ANKRD30BL: variants seen among roughly 807,000 people sequenced by gnomAD.
The protein encoded by ANKRD30BL is ankyrin repeat domain 30B like, also known as putative ankyrin repeat domain-containing protein 30B-like.
ANKRD30BL carries 20 observed loss-of-function variants against 18.4 expected under a neutral mutation model. The observed-to-expected ratio is 1.09, with a 90% CI of 0.77 to 1.58. The LOEUF is 1.58. Among genes scored for constraint, ANKRD30BL ranks in the 40% most tolerant of loss-of-function variants. ANKRD30BL has a pLI of 0.00. For missense variants in ANKRD30BL, 224 were observed against 268.6 expected (o/e 0.83, Z 1.16); for synonymous variants, 72 against 100.9 (o/e 0.71, Z 1.72).
At chr2:132,179,977 G>T (rs4597589) in intron 1 of ANKRD30BL, among the ~76,000 whole-genome samples, 18,314 of 151,808 alleles carry the variant, frequency 0.12, 1,742 homozygotes, top group East Asian at 0.46. Context: ...GGAGCCAAAA[G>T]GTCAAAAAAA....
chr2:132,153,253 C>A (rs1428997852), intron 4 of ANKRD30BL, among the ~76,000 whole-genome samples: 16 of 152,256 alleles, frequency 1.1e-4, no homozygotes, highest in Admixed American at 3.3e-4. Flanking sequence ...TGGAAGACAG[C>A]CCCCTGGGGA....
chr2:132,201,232 T>A (rs888415934), intron 1 of ANKRD30BL, among the ~76,000 whole-genome samples: 1 of 152,172 alleles, frequency 6.6e-6, no homozygotes, highest in East Asian at 1.9e-4. Context: ...GACATAGGCA[T>A]GGGCAAGGAC....
intron 1 of ANKRD30BL, among the ~76,000 whole-genome samples, chr2:132,254,034 C>T (rs1196087539): frequency 7.0e-6 from 1 of 143,470 alleles, no homozygotes; most frequent in African/African-American, 2.4e-5. Flanking sequence ...GAGACCCCCA[C>T]CCCACCGTGA....
chr2:132,181,552 G>A (rs1688462361), intron 1 of ANKRD30BL, among the ~76,000 whole-genome samples: 1 of 151,586 alleles, frequency 6.6e-6, no homozygotes, highest in Non-Finnish European at 1.5e-5. Flanking sequence ...ACTAAAAGCA[G>A]ACACACACAC....
At chr2:132,234,906 T>A (rs1351058043) in intron 1 of ANKRD30BL, among the ~76,000 whole-genome samples, 2 of 152,018 alleles carry the variant, frequency 1.3e-5, no homozygotes. Flanking sequence ...TAGACCAATA[T>A]CCTTAATGAA....
intron 4 of ANKRD30BL, 89 bp from the exon 5 acceptor site, chr2:132,151,065 C>G: frequency 2.1e-6 from 1 of 466,016 alleles, no homozygotes; most frequent in Non-Finnish European, 3.8e-6. Flanking sequence ...TAGGGTATTT[C>G]AGACAATATT....
At chr2:132,230,049 G>T (rs1478249225) in intron 1 of ANKRD30BL, among the ~76,000 whole-genome samples, 1 of 152,104 alleles carries the variant, frequency 6.6e-6, no homozygotes, top group Admixed American at 6.6e-5. Flanking sequence ...TCTTTTGATA[G>T]AGCACGTTTC....
chr2:132,222,859 A>AAAAAAAAAAAAAAAAC (rs1679731897), intron 1 of ANKRD30BL, among the ~76,000 whole-genome samples: 2 of 144,340 alleles, frequency 1.4e-5, no homozygotes, highest in African/African-American at 2.8e-5. Context: ...AAAAAAAAAA[A>AAAAAAAAAAAAAAAAC]AAAAAGAAAC....
At chr2:132,207,523 G>C in intron 1 of ANKRD30BL, among the ~76,000 whole-genome samples, 1 of 152,070 alleles carries the variant, frequency 6.6e-6, no homozygotes, top group East Asian at 1.9e-4. Context: ...CACGTGAATT[G>C]GTAGAAGTAT....
chr2:132,250,954 C>T (rs1477455126), intron 1 of ANKRD30BL, among the ~76,000 whole-genome samples: 3 of 152,120 alleles, frequency 2.0e-5, no homozygotes, highest in African/African-American at 7.2e-5. Flanking sequence ...CACTATTGGC[C>T]TTGGCAATCC....
intron 1 of ANKRD30BL, 75 bp downstream of exon 1, chr2:132,161,413 G>A (rs1351342285): frequency 1.5e-6 from 2 of 1,349,094 alleles, no homozygotes; most frequent in South Asian, 1.3e-5. Context: ...GGACCCCCAG[G>A]CCCCACTCTG....
In ANKRD30BL at chr2:132,161,877, C is replaced by A. The variant is rs1173390887; in HGVS notation, c.-172G>T. 1 of 584,560 alleles carries A rather than the reference C, an allele frequency of 1.7e-6. No homozygotes were observed. The highest frequency in any genetic ancestry group is 3.1e-6 in the Non-Finnish European group (1 of 324,958). 36.2% of individuals were successfully genotyped at this position (584,560 alleles called of 1,614,324 possible). On this transcript the variant is annotated 5_prime_UTR_variant, in exon 1 of 6. Transcript: ENST00000409867. ...AACCTCTCCCGGGAGAAAATGGCTGCGCAAAACCGTTAGGCAGCTGAGCAG... is the reference window on the plus strand; with the variant it reads ...AACCTCTCCCGGGAGAAAATGGCTGAGCAAAACCGTTAGGCAGCTGAGCAG...
intron 1 of ANKRD30BL, among the ~76,000 whole-genome samples, chr2:132,217,412 C>A (rs998819781): frequency 1.3e-5 from 2 of 151,306 alleles, no homozygotes; most frequent in African/African-American, 4.9e-5. Context: ...GATTTGAGAC[C>A]TATGGTTGAA....
At chr2:132,180,805 T>C (rs1292967583) in intron 1 of ANKRD30BL, among the ~76,000 whole-genome samples, 1 of 152,170 alleles carries the variant, frequency 6.6e-6, no homozygotes, top group African/African-American at 2.4e-5. Context: ...ATTAACAAAA[T>C]TCAAAAATCT....
chr2:132,242,481 T>A (rs56226090), intron 1 of ANKRD30BL, among the ~76,000 whole-genome samples: 5,245 of 151,856 alleles, frequency 0.035, 325 homozygotes, highest in African/African-American at 0.12. Context: ...ACTGATTTTG[T>A]AATATCTGGA....
upstream of ANKRD30BL, among the ~76,000 whole-genome samples, chr2:132,165,790 A>G (rs1437422745): frequency 2.0e-5 from 3 of 149,840 alleles, no homozygotes; most frequent in Non-Finnish European, 4.4e-5. Context: ...TACATATAGT[A>G]TAGCAACTAT....
intron 1 of ANKRD30BL, among the ~76,000 whole-genome samples, chr2:132,251,977 G>C (rs113772091): frequency 6.6e-6 from 1 of 152,168 alleles, no homozygotes; most frequent in Admixed American, 6.5e-5. Context: ...CCAGTGGTTT[G>C]TCAAAATGGA....
chr2:132,245,183 G>A (rs540997719), intron 1 of ANKRD30BL, among the ~76,000 whole-genome samples: 127 of 150,304 alleles, frequency 8.4e-4, no homozygotes, highest in African/African-American at 2.6e-3. Context: ...TCTTTCTTTC[G>A]ATAGAGCAGA....
At chr2:132,255,803 T>C (rs972575190) in intron 1 of ANKRD30BL, among the ~76,000 whole-genome samples, 7 of 152,278 alleles carry the variant, frequency 4.6e-5, no homozygotes, top group Admixed American at 4.6e-4. Flanking sequence ...GTGGTCACCA[T>C]GATAGGCACA....
Sources: allele counts gnomAD v4.1 joint callset (sites outside exome capture counted in the v4.1 genomes callset), GRCh38; gene constraint gnomAD v4.1.1; transcripts MANE v1.5; gene names NCBI Gene and HGNC (gene_info 2026-07-23, HGNC 2026-07-21).